The following DDX19A variants were observed in gnomAD, a reference collection of about 807,000 sequenced individuals.
DDX19A encodes ATP-dependent RNA helicase DDX19A.
DDX19A carries 12 observed loss-of-function variants against 60.6 expected under a neutral mutation model. That is an observed-to-expected ratio of 0.20 (90% CI 0.13 to 0.32). DDX19A has a LOEUF of 0.32. Among genes scored for constraint, DDX19A ranks in the 10% least tolerant of loss-of-function variants. The pLI is 1.00. For synonymous variants in DDX19A, 206 were observed against 218.2 expected (o/e 0.94, Z 0.49); for missense variants, 337 against 600.6 (o/e 0.56, Z 4.59).
Position 70,364,585 on chromosome 16 carries a change from A to G in DDX19A, c.429A>G (p.Lys143=). 6.2e-7 allele frequency: 1 copy of G among 1,614,190 alleles called. No individual in the cohort carries two copies. The highest frequency in any genetic ancestry group is 1.1e-5 in the South Asian group (1 of 91,084). ...LIAQSQSGTG[K]TAAFVLAMLS... is the part of the protein sequence containing the mutation. ...CCCAGTCTCAGTCTGGCACTGGTAA[A>G]ACAGCTGCCTTTGTCTTAGCCATGC... The change falls in exon 6 of 12, where the codon AAA becomes AAG. Residue 143 remains lysine (K), a synonymous_variant. Transcript: ENST00000302243.
At chr16:70,369,185 T>G (rs1316196014) in intron 9 of DDX19A, among the ~76,000 whole-genome samples, 5 of 140,042 alleles carry the variant, frequency 3.6e-5, no homozygotes, top group Admixed American at 7.0e-5. Context: ...TTTTTTTTTT[T>G]TTTTTTTTTT....
chr16:70,369,113 C>G (rs1006383858), intron 9 of DDX19A, among the ~76,000 whole-genome samples: 1 of 151,610 alleles, frequency 6.6e-6, no homozygotes, highest in African/African-American at 2.4e-5. Context: ...GTGATCCGCC[C>G]GCCTCGGCCT....
rs2047286818 is a variant in DDX19A at position 70,372,322 on chromosome 16, C to T, written c.*336C>T. 4.8e-6 allele frequency: 2 copies of T among 417,460 alleles called. No homozygotes were observed. The highest frequency in any genetic ancestry group is 4.8e-5 in the South Asian group (2 of 41,592). The allele number at this position is 417,460 out of a possible 1,614,324, so 25.9% of individuals were successfully genotyped here. On this transcript the variant is annotated 3_prime_UTR_variant, in exon 12 of 12. Coordinates refer to ENST00000302243, the MANE Select transcript of DDX19A (RefSeq NM_018332.5). ...AGGCATCGTGGAACCAGCTCCAGCC[C>T]CTGAAGAAACGATAGATGTGCAGGT... is the stretch of plus-strand genomic sequence containing the variant.
chr16:70,349,559 C>A, intron 1 of DDX19A, among the ~76,000 whole-genome samples: 1 of 152,178 alleles, frequency 6.6e-6, no homozygotes, highest in East Asian at 1.9e-4. Flanking sequence ...GCTGTGTTCT[C>A]TTCTGCCCGG....
At chr16:70,352,659 AT>A (rs1964057841) in intron 2 of DDX19A, among the ~76,000 whole-genome samples, 1 of 95,390 alleles carries the variant, frequency 1.0e-5, no homozygotes, top group African/African-American at 4.3e-5. Flanking sequence ...TTTTTTTGAG[AT>A]GAAGTTTCAC....
Position 70,366,065 on chromosome 16 carries a change from A to G in DDX19A, c.605-20A>G. ...GCTTTGCCTTTGAAATACCTATGAA[A>G]ATCACCTGGGTCTCCACAGTGGAAA... On this transcript the variant is annotated intron_variant, in intron 7 of 11. Transcript: ENST00000302243. 6.2e-7 allele frequency: 1 copy of G among 1,614,076 alleles called. No homozygotes were observed. Among genetic ancestry groups the G allele is most frequent in the Non-Finnish European group, 8.5e-7 (1 of 1,180,020 alleles).
At chr16:70,364,343 T>G (rs779598468) in intron 5 of DDX19A, 200 bp from the exon 6 acceptor site, 33 of 563,626 alleles carry the variant, frequency 5.9e-5, no homozygotes, top group Non-Finnish European at 9.2e-5. Context: ...CCATTTAAAA[T>G]AATCATTTAT....
At chr16:70,360,902 C>A (rs1045749124) in intron 4 of DDX19A, 4 of 161,992 alleles carry the variant, frequency 2.5e-5, no homozygotes, top group Non-Finnish European at 5.3e-5. Context: ...CAGGTGTGTC[C>A]AGCTATTTTT....
chr16:70,372,623 G>C lies in DDX19A; in HGVS notation c.*637G>C, dbSNP rs896870556. 1.3e-5 allele frequency: 2 copies of C among 153,636 alleles called. No homozygotes were observed. Among genetic ancestry groups the C allele is most frequent in the African/African-American group, 4.8e-5 (2 of 41,450 alleles). 9.5% of individuals were successfully genotyped at this position (153,636 alleles called of 1,614,324 possible). A position where few individuals can be genotyped will look rare whatever the true frequency, so the allele number is the denominator to read the frequency against. On this transcript the variant is annotated 3_prime_UTR_variant, in exon 12 of 12. Transcript: ENST00000302243. Reference sequence around the variant, plus strand: ...GCTACTTTTGTAAACTTCAGATTTGGAGAGAAACACGAAAGTCTGAATCCT... The same window carrying C: ...GCTACTTTTGTAAACTTCAGATTTGCAGAGAAACACGAAAGTCTGAATCCT...
At chr16:70,362,012 T>TAA (rs757196559) in intron 5 of DDX19A, among the ~76,000 whole-genome samples, 2 of 135,516 alleles carry the variant, frequency 1.5e-5, no homozygotes, top group African/African-American at 2.7e-5. Context: ...CTTACTAAAA[T>TAA]CAAAAAAAAA....
chr16:70,362,778 G>T (rs1380141264), intron 5 of DDX19A, among the ~76,000 whole-genome samples: 2 of 152,128 alleles, frequency 1.3e-5, no homozygotes. Context: ...TTGAGAAGCT[G>T]AGGCAGGTGG....
At chr16:70,366,432 C>G (rs1251167924) in intron 8 of DDX19A, 170 bp downstream of exon 8, 3 of 1,262,756 alleles carry the variant, frequency 2.4e-6, no homozygotes, top group Non-Finnish European at 2.2e-6. Context: ...CCCTCCCAAC[C>G]TGGGTTGAGA....
At position 70,372,388 on chromosome 16, in the gene DDX19A, C is replaced by A; in HGVS notation, c.*402C>A. On this transcript the variant is annotated 3_prime_UTR_variant, in exon 12 of 12. Coordinates refer to ENST00000302243, the MANE Select transcript of DDX19A (RefSeq NM_018332.5). Reference sequence around the variant, plus strand: ...GAGTGGAAAATGGTGTGAGCCCCACCGCTGTGCATCGAATGAGGGAAGTGG... The same window carrying A: ...GAGTGGAAAATGGTGTGAGCCCCACAGCTGTGCATCGAATGAGGGAAGTGG... 3.8e-6 allele frequency: 1 copy of A among 266,650 alleles called. No homozygotes were observed. The highest frequency in any genetic ancestry group is 7.3e-6 in the Non-Finnish European group (1 of 137,750). The allele number at this position is 266,650 out of a possible 1,614,324, so 16.5% of individuals were successfully genotyped here. A position where few individuals can be genotyped will look rare whatever the true frequency, so the allele number is the denominator to read the frequency against.
chr16:70,371,640 G>A, intron 11 of DDX19A, 77 bp downstream of exon 11: 2 of 759,460 alleles, frequency 2.6e-6, no homozygotes, highest in South Asian at 1.9e-5. Context: ...AGGATCTTCT[G>A]TAGCCCCAAG....
intron 1 of DDX19A, among the ~76,000 whole-genome samples, chr16:70,348,688 C>G (rs1012620208): frequency 6.7e-6 from 1 of 148,450 alleles, no homozygotes; most frequent in Non-Finnish European, 1.5e-5. Context: ...ACCTGTAATC[C>G]TAGCACTTTG....
chr16:70,371,376 T>A lies in DDX19A; in HGVS notation c.1188T>A (p.Ile396=). 6.2e-7 allele frequency: 1 copy of A among 1,613,494 alleles called. No homozygotes were observed. The highest frequency in any genetic ancestry group is 1.1e-5 in the South Asian group (1 of 91,008). The change falls in exon 11 of 12, where the codon ATT becomes ATA. Residue 396 remains isoleucine, a synonymous_variant. Coordinates refer to ENST00000302243, the MANE Select transcript of DDX19A (RefSeq NM_018332.5). Reference sequence around the variant, plus strand: ...CTCCAACTCTCCTTCCTGCAGGCATTGATGTTGAACAAGTGTCTGTCGTCA... The same window carrying A: ...CTCCAACTCTCCTTCCTGCAGGCATAGATGTTGAACAAGTGTCTGTCGTCA... ...LVTTNVCARG[I]DVEQVSVVIN...
intron 4 of DDX19A, among the ~76,000 whole-genome samples, chr16:70,360,154 G>A (rs951290814): frequency 6.6e-6 from 1 of 151,776 alleles, no homozygotes; most frequent in East Asian, 1.9e-4. Context: ...GGCAGTATGC[G>A]CCTGTAATCC....
chr16:70,369,735 G>A (rs1305860880), intron 9 of DDX19A, among the ~76,000 whole-genome samples: 1 of 150,152 alleles, frequency 6.7e-6, no homozygotes, highest in African/African-American at 2.5e-5. Flanking sequence ...TCCTGCCTCA[G>A]CTCCCTCAAG....
intron 5 of DDX19A, chr16:70,364,257 C>A: frequency 2.9e-6 from 1 of 341,200 alleles, no homozygotes; most frequent in Non-Finnish European, 5.5e-6. Context: ...ACTTGATTTC[C>A]CTGTGCCCCT....
Sources: gnomAD v4.1 joint callset for allele counts (sites outside exome capture counted in the v4.1 genomes callset) on GRCh38, gnomAD v4.1.1 for gene constraint, MANE v1.5 for transcripts, NCBI Gene and HGNC (gene_info 2026-07-23, HGNC 2026-07-21) for gene names.